The following RALGAPA2 variants were observed in gnomAD, a reference collection of about 807,000 sequenced individuals.
The protein encoded by RALGAPA2 is ral GTPase-activating protein subunit alpha-2.
RALGAPA2 carries 139 observed loss-of-function variants against 230.4 expected under a neutral mutation model. The observed-to-expected ratio is 0.60, with a 90% CI of 0.53 to 0.69. RALGAPA2 has a LOEUF of 0.69. Ranked by LOEUF, RALGAPA2 falls within the 30% of genes least tolerant of loss-of-function variation. The probability of loss-of-function intolerance (pLI) is 0.00; values close to 1 mark genes in which losing one functional copy is unlikely to be tolerated. For synonymous variants in RALGAPA2, 847 were observed against 837.8 expected (o/e 1.01, Z -0.19); for missense variants, 2,163 against 2,276.0 (o/e 0.95, Z 1.01).
chr20:20,648,572 C>T (rs564231638), intron 4 of RALGAPA2, among the ~76,000 whole-genome samples: 5 of 151,612 alleles, frequency 3.3e-5, no homozygotes, highest in Non-Finnish European at 7.4e-5. Context: ...GATCAGGCGA[C>T]CTGGAAGTGA....
At chr20:20,428,549 G>T (rs964151101) in intron 37 of RALGAPA2, among the ~76,000 whole-genome samples, 5 of 152,158 alleles carry the variant, frequency 3.3e-5, no homozygotes, top group Admixed American at 6.5e-5. Flanking sequence ...TTTATTTGAA[G>T]AGCCATGGAG....
chr20:20,606,112 A>C (rs2065812180), intron 14 of RALGAPA2, among the ~76,000 whole-genome samples: 1 of 152,074 alleles, frequency 6.6e-6, no homozygotes, highest in Non-Finnish European at 1.5e-5. Context: ...TAAAAGAAAA[A>C]ATTCCCTTGA....
intron 20 of RALGAPA2, among the ~76,000 whole-genome samples, chr20:20,575,440 C>T (rs1320699455): frequency 1.3e-5 from 2 of 150,862 alleles, no homozygotes; most frequent in Non-Finnish European, 2.9e-5. Context: ...AAAAGACTCT[C>T]TTCCTGCTCA....
intron 10 of RALGAPA2, among the ~76,000 whole-genome samples, chr20:20,624,021 C>T (rs1398770517): frequency 6.6e-6 from 1 of 152,168 alleles, no homozygotes; most frequent in Non-Finnish European, 1.5e-5. Context: ...AGCTAAGCTG[C>T]TCTTTACACC....
chr20:20,400,403 G>A (rs1365388559), intron 38 of RALGAPA2, among the ~76,000 whole-genome samples: 1 of 152,188 alleles, frequency 6.6e-6, no homozygotes, highest in African/African-American at 2.4e-5. Flanking sequence ...AAAGTGCATG[G>A]AGCGTGTGCC....
rs535510713 is a variant in RALGAPA2, at chr20:20,412,105, G to A, written c.5539C>T (p.His1847Tyr). 7 of 1,613,966 alleles carry A rather than the reference G, an allele frequency of 4.3e-6. No homozygotes were observed. In the African/African-American group the frequency reaches 8.0e-5, roughly 18 times the overall value. The change falls in exon 38 of 40, where the codon CAC (histidine) becomes TAC (tyrosine). Residue 1847 changes from histidine to tyrosine, a missense_variant. Transcript: ENST00000202677. ...ALYLEAIIQNHREVMTFEDFA... is the reference protein window; with the variant it reads ...ALYLEAIIQNYREVMTFEDFA... ...TCCTCGAATGTCATTACTTCGCGGT[G>A]GTTCTGAATTATTGCTTCGAGATAC...
intron 19 of RALGAPA2, 25 bp downstream of exon 19, chr20:20,584,840 G>C (rs573184377): frequency 6.7e-7 from 1 of 1,501,204 alleles, no homozygotes; most frequent in South Asian, 1.1e-5. Context: ...TGTAGTTGGA[G>C]GAACAGACAT....
chr20:20,547,187 T>C (rs376108348), intron 23 of RALGAPA2, among the ~76,000 whole-genome samples: 14 of 152,340 alleles, frequency 9.2e-5, no homozygotes, highest in East Asian at 3.9e-4. Context: ...CTAAAACAAA[T>C]GTCCTGTCTT....
chr20:20,474,437 A>T (rs6137038), intron 36 of RALGAPA2, among the ~76,000 whole-genome samples: 3,924 of 152,300 alleles, frequency 0.026, 113 homozygotes, highest in East Asian at 0.14. Flanking sequence ...TATGATCTAA[A>T]ATACATTTTA....
rs764405699 is a variant in RALGAPA2 at position 20,435,919 on chromosome 20, A to C, written c.5496-23771T>G. The stretch of plus-strand genomic sequence containing the variant: ...GCAGGATTAGTAAAAATTCTTAGAA[A>C]TTTATTGTTCTAAGTTCTGTTTAAA... On this transcript the variant is annotated intron_variant, in intron 37 of 39. Transcript: ENST00000202677. Among the ~76,000 whole-genome samples, 254 of 152,294 alleles carry C rather than the reference A, an allele frequency of 1.7e-3. 1 individual carries two copies. The highest frequency in any genetic ancestry group is 2.3e-3 in the Non-Finnish European group (158 of 68,028).
At chr20:20,676,704 G>A (rs1378308475) in intron 2 of RALGAPA2, among the ~76,000 whole-genome samples, 1 of 152,208 alleles carries the variant, frequency 6.6e-6, no homozygotes, top group East Asian at 1.9e-4. Context: ...ACTGCACACT[G>A]TCCTATTGAT....
intron 4 of RALGAPA2, among the ~76,000 whole-genome samples, chr20:20,650,339 G>A (rs1243828066): frequency 3.3e-5 from 5 of 152,156 alleles, no homozygotes; most frequent in African/African-American, 1.2e-4. Flanking sequence ...GCACTGTGGT[G>A]GTTGATGTTT....
intron 24 of RALGAPA2, among the ~76,000 whole-genome samples, chr20:20,542,315 A>G (rs1053968053): frequency 2.0e-5 from 3 of 152,198 alleles, no homozygotes; most frequent in Non-Finnish European, 4.4e-5. Context: ...AATCAATATC[A>G]TGAAAATGGC....
chr20:20,680,928 A>T (rs2068497820), intron 1 of RALGAPA2, 127 bp from the exon 2 acceptor site: 1 of 1,416,432 alleles, frequency 7.1e-7, no homozygotes, highest in Admixed American at 3.4e-5. Flanking sequence ...TACAAAACAA[A>T]ACAGTATTCC....
At chr20:20,618,454 G>T (rs1209928213) in intron 12 of RALGAPA2, among the ~76,000 whole-genome samples, 1 of 151,404 alleles carries the variant, frequency 6.6e-6, no homozygotes, top group Non-Finnish European at 1.5e-5. Context: ...CATGAGTATG[G>T]TATATTAAAC....
At chr20:20,436,967 G>A (rs1174335499) in intron 37 of RALGAPA2, among the ~76,000 whole-genome samples, 1 of 152,178 alleles carries the variant, frequency 6.6e-6, no homozygotes, top group African/African-American at 2.4e-5. Flanking sequence ...CCAAGCTCCG[G>A]GGCTAACTAA....
chr20:20,422,133 G>A (rs952793777), intron 37 of RALGAPA2, among the ~76,000 whole-genome samples: 1 of 151,522 alleles, frequency 6.6e-6, no homozygotes, highest in Non-Finnish European at 1.5e-5. Flanking sequence ...CAGAGGCAGG[G>A]GAGAATGTGG....
chr20:20,654,544 G>C (rs962076430), intron 3 of RALGAPA2, among the ~76,000 whole-genome samples: 15 of 152,248 alleles, frequency 9.9e-5, no homozygotes, highest in African/African-American at 3.1e-4. Flanking sequence ...ATGTCCTCCA[G>C]GTTCAACCAT....
intron 12 of RALGAPA2, among the ~76,000 whole-genome samples, chr20:20,618,244 C>G (rs1321113715): frequency 6.6e-6 from 1 of 152,184 alleles, no homozygotes; most frequent in Non-Finnish European, 1.5e-5. Flanking sequence ...CAGGCTGTTG[C>G]TGGAGATCCC....
Sources: allele counts gnomAD v4.1 joint callset (sites outside exome capture counted in the v4.1 genomes callset), GRCh38; gene constraint gnomAD v4.1.1; transcripts MANE v1.5; gene names NCBI Gene and HGNC (gene_info 2026-07-23, HGNC 2026-07-21).